The following DYSF variants were observed in gnomAD, a reference collection of about 807,000 sequenced individuals.
DYSF encodes the protein dysferlin.
In DYSF, 212 loss-of-function variants were observed where a neutral mutation model predicts 274.9. The ratio of observed to expected loss-of-function variants is 0.77; its 90% CI spans 0.69 to 0.86. DYSF has a LOEUF of 0.86. Among genes scored for constraint, DYSF ranks in the 40% least tolerant of loss-of-function variants. The probability of loss-of-function intolerance (pLI) is 0.00; values close to 1 mark genes in which losing one functional copy is unlikely to be tolerated. For missense variants in DYSF, 2,666 were observed against 2,783.2 expected (o/e 0.96, Z 0.95); for synonymous variants, 1,091 against 1,078.7 (o/e 1.01, Z -0.22).
rs541132437 is a variant in DYSF at position 71,466,799 on chromosome 2, C to T, written c.-44C>T. ...GGTGCTCGGGCCCGGTGCTCCCGCT[C>T]CCGCCCTGACTGCGCGCCTGTGTGC... On this transcript the variant is annotated 5_prime_UTR_variant, in exon 1 of 56. Transcript: ENST00000410020. The T allele has an allele frequency of 2.7e-4, 398 of 1,482,602 alleles. 5 individuals carry two copies. In the South Asian group the frequency reaches 4.8e-3, roughly 18 times the overall value. 91.8% of individuals were successfully genotyped at this position (1,482,602 alleles called of 1,614,324 possible). A position where few individuals can be genotyped will look rare whatever the true frequency, so the allele number is the denominator to read the frequency against.
At position 71,567,802 on chromosome 2, in the gene DYSF, A is replaced by G. The variant is rs2092191487; in HGVS notation, c.2566-149A>G. 12 of 1,180,234 alleles carry G rather than the reference A, an allele frequency of 1.0e-5. No homozygotes were observed. In the South Asian group the frequency reaches 1.5e-4, roughly 15 times the overall value. The allele number at this position is 1,180,234 out of a possible 1,614,324, so 73.1% of individuals were successfully genotyped here. A position where few individuals can be genotyped will look rare whatever the true frequency, so the allele number is the denominator to read the frequency against. The stretch of plus-strand genomic sequence containing the variant: ...TAATTGCACACTCCCCTTCTATGCA[A>G]TTCTGGTAAGCGCTCCCACAGGGGA... On this transcript the variant is annotated intron_variant, in intron 24 of 55. Coordinates refer to ENST00000410020, the MANE Select transcript of DYSF (RefSeq NM_001130987.2).
intron 42 of DYSF, among the ~76,000 whole-genome samples, chr2:71,654,225 A>G (rs1391407142): frequency 6.6e-6 from 1 of 152,234 alleles, no homozygotes; most frequent in Non-Finnish European, 1.5e-5. Context: ...TATCAAATTA[A>G]CAAAGCTAAA....
At chr2:71,542,715 C>G (rs2090036707) in intron 17 of DYSF, among the ~76,000 whole-genome samples, 3 of 152,164 alleles carry the variant, frequency 2.0e-5, no homozygotes, top group Non-Finnish European at 1.5e-5. Context: ...AACAGCATCC[C>G]AAGGCAGAAG....
At chr2:71,610,293 G>T (rs1163720500) in intron 36 of DYSF, among the ~76,000 whole-genome samples, 1 of 152,192 alleles carries the variant, frequency 6.6e-6, no homozygotes, top group African/African-American at 2.4e-5. Flanking sequence ...GGTTATACAG[G>T]TATTAACTTC....
intron 55 of DYSF, among the ~76,000 whole-genome samples, chr2:71,685,301 C>T (rs1440803943): frequency 6.6e-6 from 1 of 152,232 alleles, no homozygotes; most frequent in African/African-American, 2.4e-5. Context: ...AAAATATGGA[C>T]CCTGCTTCCC....
intron 40 of DYSF, among the ~76,000 whole-genome samples, chr2:71,619,550 C>T (rs974607423): frequency 1.9e-4 from 29 of 152,282 alleles, no homozygotes; most frequent in South Asian, 6.2e-4. Flanking sequence ...CCTGGGGTTT[C>T]GCCCCTTGGA....
chr2:71,683,034 G>A (rs1392636234), intron 55 of DYSF, among the ~76,000 whole-genome samples: 1 of 152,222 alleles, frequency 6.6e-6, no homozygotes, highest in Non-Finnish European at 1.5e-5. Flanking sequence ...GTGTGGAACT[G>A]GGTCTGAAAG....
intron 17 of DYSF, among the ~76,000 whole-genome samples, chr2:71,544,681 G>T (rs1037038154): frequency 5.3e-5 from 8 of 151,996 alleles, no homozygotes; most frequent in African/African-American, 1.9e-4. Context: ...GGCTGGTCTC[G>T]AACTCCTGAC....
At chr2:71,594,248 C>A (rs1302716856) in intron 32 of DYSF, among the ~76,000 whole-genome samples, 3 of 152,208 alleles carry the variant, frequency 2.0e-5, no homozygotes, top group Non-Finnish European at 4.4e-5. Context: ...CCTTCCCAAC[C>A]CCTTTTTAAG....
At chr2:71,511,656 C>A (rs2086106825) in intron 4 of DYSF, 151 bp from the exon 5 acceptor site, 2 of 693,610 alleles carry the variant, frequency 2.9e-6, no homozygotes, top group Admixed American at 4.1e-5. Context: ...TGATAGGTCC[C>A]TTGGGGTGGC....
intron 40 of DYSF, among the ~76,000 whole-genome samples, chr2:71,613,679 G>A (rs1322608052): frequency 6.6e-6 from 1 of 152,178 alleles, no homozygotes; most frequent in African/African-American, 2.4e-5. Context: ...GGGGGCCATG[G>A]TGAGGGCTTT....
At chr2:71,579,914 C>T (rs2092829706) in intron 30 of DYSF, among the ~76,000 whole-genome samples, 1 of 152,194 alleles carries the variant, frequency 6.6e-6, no homozygotes, top group Admixed American at 6.5e-5. Flanking sequence ...GACTCCGAGC[C>T]CTAATGTCAC....
chr2:71,631,953 C>G (rs1432658513), intron 41 of DYSF, among the ~76,000 whole-genome samples: 2 of 152,124 alleles, frequency 1.3e-5, no homozygotes, highest in Non-Finnish European at 2.9e-5. Context: ...CTCCTTGCCT[C>G]CACCTCATCC....
At chr2:71,503,600 T>C (rs1226915897) in intron 4 of DYSF, among the ~76,000 whole-genome samples, 2 of 152,126 alleles carry the variant, frequency 1.3e-5, no homozygotes, top group East Asian at 3.9e-4. Context: ...TCTGGCCACC[T>C]CCTGTCCCCA....
At chr2:71,559,897 A>T (rs1337864096) in intron 22 of DYSF, among the ~76,000 whole-genome samples, 1 of 152,204 alleles carries the variant, frequency 6.6e-6, no homozygotes, top group African/African-American at 2.4e-5. Flanking sequence ...AGTGAAATGA[A>T]TGCCCCGAGG....
intron 29 of DYSF, chr2:71,571,007 C>T (rs1269074762): frequency 2.9e-5 from 15 of 513,818 alleles, no homozygotes; most frequent in Non-Finnish European, 5.3e-5. Flanking sequence ...ACTGGGAACA[C>T]CCACAGATCA....
At chr2:71,624,346 G>A (rs957047944) in intron 41 of DYSF, among the ~76,000 whole-genome samples, 6 of 152,114 alleles carry the variant, frequency 3.9e-5, no homozygotes, top group Non-Finnish European at 7.4e-5. Context: ...CTTCTATTAT[G>A]TATTATTGAG....
chr2:71,662,266 T>G (rs1456050328), intron 45 of DYSF, among the ~76,000 whole-genome samples: 1 of 152,224 alleles, frequency 6.6e-6, no homozygotes, highest in Non-Finnish European at 1.5e-5. Flanking sequence ...CTGAGGAAAC[T>G]GACAGGCAGG....
intron 4 of DYSF, among the ~76,000 whole-genome samples, chr2:71,503,854 C>T (rs1318953677): frequency 6.6e-6 from 1 of 152,228 alleles, no homozygotes; most frequent in African/African-American, 2.4e-5. Flanking sequence ...AGACAATTCC[C>T]AGCCCTCCTC....
Sources: gnomAD v4.1 joint callset for allele counts (sites outside exome capture counted in the v4.1 genomes callset) on GRCh38, gnomAD v4.1.1 for gene constraint, MANE v1.5 for transcripts, NCBI Gene and HGNC (gene_info 2026-07-23, HGNC 2026-07-21) for gene names.